Variants in INTS6 observed in about 807,000 individuals in gnomAD.
INTS6 encodes the protein DEAD box protein.
Under a neutral mutation model 104.9 loss-of-function variants are expected in INTS6, and 16 were observed. That is an observed-to-expected ratio of 0.15 (90% CI 0.10 to 0.23). INTS6 has a LOEUF of 0.23. Ranked by LOEUF, INTS6 falls within the 10% of genes least tolerant of loss-of-function variation. The probability of loss-of-function intolerance (pLI) is 1.00; values close to 1 mark genes in which losing one functional copy is unlikely to be tolerated. For missense variants in INTS6, 584 were observed against 1,062.8 expected, an observed-to-expected ratio of 0.55 and a Z score of 6.26; for synonymous variants, 324 against 358.7, an observed-to-expected ratio of 0.90 and a Z score of 1.09.
chr13:51,393,074 A>ATTTTTTTTT (rs368682215), intron 5 of INTS6, among the ~76,000 whole-genome samples: 1 of 139,434 alleles, frequency 7.2e-6, no homozygotes, highest in African/African-American at 2.7e-5. Context: ...AAACAACTAA[A>ATTTTTTTTT]TTTTTTTTTT....
the INTS6 span, chr13:51,346,962 A>C: frequency 7.9e-7 from 1 of 1,259,316 alleles, no homozygotes; most frequent in Middle Eastern, 2.1e-4. Context: ...CCGCACACAC[A>C]CTGGGTTCGG....
chr13:51,391,149 C>G (rs1376945064), intron 5 of INTS6, among the ~76,000 whole-genome samples: 3 of 151,918 alleles, frequency 2.0e-5, no homozygotes, highest in Admixed American at 2.0e-4. Context: ...TAAGTATATA[C>G]AAAAAGCAAT....
At chr13:51,405,809 C>G (rs960572066) in intron 4 of INTS6, among the ~76,000 whole-genome samples, 1 of 152,140 alleles carries the variant, frequency 6.6e-6, no homozygotes, top group African/African-American at 2.4e-5. Flanking sequence ...CCATCTTGTA[C>G]GTTCCAGTCC....
rs1953079669 is a variant in INTS6, at chr13:51,452,334, C to G, written c.111+81G>C. On this transcript the variant is annotated intron_variant, in intron 1 of 17. Transcript: ENST00000311234. This position sits in a 1 kb window ranked among gnomAD's most constrained non-coding sequence, Gnocchi z 4.2. ...CTCCCGCAGTCAGGTCCCCGACACCCCCGCCCCGGCCGCCCTCCCCCACCC... is the reference window on the plus strand; with the variant it reads ...CTCCCGCAGTCAGGTCCCCGACACCGCCGCCCCGGCCGCCCTCCCCCACCC... 1 of 1,270,976 alleles carries G rather than the reference C, an allele frequency of 7.9e-7. No homozygotes were observed. The highest frequency in any genetic ancestry group is 2.2e-5 in the South Asian group (1 of 45,466). The allele number at this position is 1,270,976 out of a possible 1,614,324, so 78.7% of individuals were successfully genotyped here. A position where few individuals can be genotyped will look rare whatever the true frequency, so the allele number is the denominator to read the frequency against.
chr13:51,374,874 T>C, intron 13 of INTS6, 78 bp from the exon 14 acceptor site: 1 of 1,419,748 alleles, frequency 7.0e-7, no homozygotes, highest in South Asian at 1.3e-5. Flanking sequence ...ATATGAATGC[T>C]ACCTAGTGTT....
intron 4 of INTS6, among the ~76,000 whole-genome samples, chr13:51,428,910 A>G (rs183378462): frequency 3.3e-5 from 5 of 152,342 alleles, no homozygotes; most frequent in Non-Finnish European, 7.3e-5. Context: ...TTTCCCCCAA[A>G]TAAGAGCAGA....
In INTS6 at chr13:51,452,730, T is replaced by C. The variant is rs1165379614; in HGVS notation, c.-205A>G. 7.9e-7 allele frequency: 1 copy of C among 1,259,536 alleles called. No homozygotes were observed. Among genetic ancestry groups the C allele is most frequent in the African/African-American group, 1.6e-5 (1 of 62,098 alleles). 78.0% of individuals were successfully genotyped at this position (1,259,536 alleles called of 1,614,324 possible). ...AACTCCCCAGACCCAGTGCTCCCCGTCGTACCCCCGCCTCCGCCTCCTCCT... is the reference window on the plus strand; with the variant it reads ...AACTCCCCAGACCCAGTGCTCCCCGCCGTACCCCCGCCTCCGCCTCCTCCT... On this transcript the variant is annotated 5_prime_UTR_variant, in exon 1 of 18. Coordinates refer to ENST00000311234, the MANE Select transcript of INTS6 (RefSeq NM_012141.3). The surrounding 1 kb of genome is among the most constrained non-coding windows in gnomAD (Gnocchi z 4.2).
the INTS6 span, among the ~76,000 whole-genome samples, chr13:51,335,487 A>C: frequency 6.6e-5 from 10 of 152,318 alleles, no homozygotes; most frequent in East Asian, 1.9e-3. Flanking sequence ...AGTGATGGGA[A>C]ATACTTGGCA....
chr13:51,340,953 C>T, the INTS6 span: 84 of 917,864 alleles, frequency 9.2e-5, no homozygotes, highest in Middle Eastern at 6.7e-4. Context: ...CTCAATGCAT[C>T]TCTCCCTCAG....
Position 51,374,795 on chromosome 13 carries a change from A to G in INTS6, c.1731T>C (p.Asp577=). ...TRRFLKGQDE[D]QVHSVPIAQM... is the part of the protein sequence containing the mutation. ...GTGCTATAGGAACACTGTGCACTTG[A>G]TCTTTCAAAAAGAATACAACAGCAA... Residue 577 remains aspartate (D), a splice_region_variant and synonymous_variant, in exon 14 of 18, where the codon GAT becomes GAC. Coordinates refer to ENST00000311234, the MANE Select transcript of INTS6 (RefSeq NM_012141.3). The G allele has an allele frequency of 4.3e-6, 7 of 1,611,074 alleles. No individual in the cohort carries two copies. The highest frequency in any genetic ancestry group is 5.9e-6 in the Non-Finnish European group (7 of 1,179,100).
intron 15 of INTS6, among the ~76,000 whole-genome samples, chr13:51,370,717 T>C (rs1019322739): frequency 6.6e-6 from 1 of 152,090 alleles, no homozygotes; most frequent in Non-Finnish European, 1.5e-5. Flanking sequence ...GCAAAAAGTA[T>C]ACAGTTTATA....
At position 51,366,961 on chromosome 13, in the gene INTS6, A is replaced by G. The variant is rs543925500; in HGVS notation, c.2570+844T>C. 7.4e-4 allele frequency among the ~76,000 whole-genome samples: 113 copies of G among 152,148 alleles called. 2 individuals are homozygous for G. The highest frequency in any genetic ancestry group is 2.2e-3 in the African/African-American group (90 of 41,560). Reference sequence around the variant, plus strand: ...TTAAACTCATACAACTATGTTTTCCAGTTAATTGCACTTCTTAATTACCAT... The same window carrying G: ...TTAAACTCATACAACTATGTTTTCCGGTTAATTGCACTTCTTAATTACCAT... On this transcript the variant is annotated intron_variant, in intron 17 of 17. Coordinates refer to ENST00000311234, the MANE Select transcript of INTS6 (RefSeq NM_012141.3).
intron 3 of INTS6, chr13:51,438,608 A>G (rs895442854): frequency 3.9e-5 from 6 of 152,242 alleles, no homozygotes; most frequent in Non-Finnish European, 8.8e-5. Context: ...AATTAAAAAT[A>G]AAATTTAAAA....
the INTS6 span, among the ~76,000 whole-genome samples, chr13:51,348,954 C>A: frequency 6.7e-6 from 1 of 148,442 alleles, no homozygotes; most frequent in Admixed American, 6.7e-5. Context: ...GAGGTGAACT[C>A]TCCTTTAAGA....
At chr13:51,398,826 T>A (rs1390566819) in intron 4 of INTS6, among the ~76,000 whole-genome samples, 3 of 151,780 alleles carry the variant, frequency 2.0e-5, no homozygotes, top group Admixed American at 2.0e-4. Flanking sequence ...ATAAATAAGC[T>A]GCAGTCTGTT....
rs892673776 is a variant in INTS6, at chr13:51,417,060, T to C, written c.429+13234A>G. Among the ~76,000 whole-genome samples, 5 of 152,366 alleles carry C rather than the reference T, an allele frequency of 3.3e-5. No homozygotes were observed. The East Asian group carries it at 9.6e-4, about 29-fold the overall frequency. Reference sequence around the variant, plus strand: ...TCTAATCAAATCCTTTGACCATTTTTAAATTAGATTGTCTTTTTATTTTTA... The same window carrying C: ...TCTAATCAAATCCTTTGACCATTTTCAAATTAGATTGTCTTTTTATTTTTA... On this transcript the variant is annotated intron_variant, in intron 4 of 17. Transcript: ENST00000311234.
At chr13:51,443,660 C>G (rs1476638355) in intron 3 of INTS6, 1 of 152,034 alleles carries the variant, frequency 6.6e-6, no homozygotes, top group African/African-American at 2.4e-5. Context: ...GAGTTCAAGA[C>G]CAGCCTGGGT....
At chr13:51,392,252 AT>A (rs776409119) in intron 5 of INTS6, among the ~76,000 whole-genome samples, 3 of 152,230 alleles carry the variant, frequency 2.0e-5, no homozygotes, top group African/African-American at 7.2e-5. Context: ...ATAAAAATAT[AT>A]TTATTGTAGC....
At chr13:51,401,065 C>T (rs1956428779) in intron 4 of INTS6, among the ~76,000 whole-genome samples, 1 of 152,012 alleles carries the variant, frequency 6.6e-6, no homozygotes, top group Admixed American at 6.5e-5. Context: ...TTATTTTATA[C>T]AAAACCAAAG....
Sources: allele counts gnomAD v4.1 joint callset (sites outside exome capture counted in the v4.1 genomes callset), GRCh38; gene constraint gnomAD v4.1.1; non-coding constraint Gnocchi (gnomAD v3.1); transcripts MANE v1.5; gene names NCBI Gene and HGNC (gene_info 2026-07-23, HGNC 2026-07-21).